Variants in SOX5 observed in about 807,000 individuals in gnomAD.
SOX5 encodes the protein SRY-box transcription factor 5, also known as transcription factor SOX-5.
Under a neutral mutation model 92.0 loss-of-function variants are expected in SOX5, and 9 were observed. The observed-to-expected ratio is 0.10, with a 90% CI of 0.06 to 0.17. The LOEUF is 0.17. Ranked by LOEUF, SOX5 falls within the 10% of genes least tolerant of loss-of-function variation. The pLI is 1.00. For missense variants in SOX5, 642 were observed against 944.5 expected (o/e 0.68, Z 4.20); for synonymous variants, 344 against 336.3 (o/e 1.02, Z -0.25).
At chr12:24,506,750 C>A (rs1948784610) in intron 1 of SOX5, among the ~76,000 whole-genome samples, 1 of 147,592 alleles carries the variant, frequency 6.8e-6, no homozygotes, top group Admixed American at 6.8e-5. Flanking sequence ...CCTCCCTTTC[C>A]AATGCAACCT....
intron 4 of SOX5, among the ~76,000 whole-genome samples, chr12:24,155,012 T>C (rs1285441186): frequency 6.6e-6 from 1 of 152,112 alleles, no homozygotes; most frequent in Non-Finnish European, 1.5e-5. Flanking sequence ...TTATTTTCAC[T>C]TGGTCCTCTA....
chr12:24,405,871 G>C (rs1477876353), intron 1 of SOX5, among the ~76,000 whole-genome samples: 2 of 152,160 alleles, frequency 1.3e-5, no homozygotes, highest in Admixed American at 6.5e-5. Flanking sequence ...GAGGCTTTAA[G>C]AGGCTATTGG....
chr12:23,530,939 T>TTACTC lies in SOX5; in HGVS notation c.*3275_*3279dup, dbSNP rs1938947729. 6.6e-6 allele frequency: 1 copy of TTACTC among 152,050 alleles called. No individual in the cohort carries two copies. The highest frequency in any genetic ancestry group is 2.4e-5 in the African/African-American group (1 of 41,412). 9.4% of individuals were successfully genotyped at this position (152,050 alleles called of 1,614,324 possible). ...TATGTTTTAGTTTGATCTTTTGATC[T>TTACTC]TACTCTCATTTTCTTTATCTTTTTT... is the stretch of plus-strand genomic sequence containing the variant. On this transcript the variant is annotated 3_prime_UTR_variant, in exon 15 of 15. Coordinates refer to ENST00000451604, the MANE Select transcript of SOX5 (RefSeq NM_006940.6).
intron 2 of SOX5, among the ~76,000 whole-genome samples, chr12:23,857,262 T>C (rs943588156): frequency 6.6e-6 from 1 of 152,196 alleles, no homozygotes; most frequent in Admixed American, 6.5e-5. Context: ...GGAGAACTAT[T>C]GTTGATCTAC....
intron 1 of SOX5, among the ~76,000 whole-genome samples, chr12:23,941,625 G>A (rs1425690915): frequency 6.6e-6 from 1 of 151,244 alleles, no homozygotes; most frequent in Non-Finnish European, 1.5e-5. Flanking sequence ...TTGGTACTTT[G>A]TATATTACAT....
intron 4 of SOX5, among the ~76,000 whole-genome samples, chr12:24,141,028 G>A (rs116460151): frequency 0.018 from 2,605 of 146,772 alleles, 76 homozygotes; most frequent in African/African-American, 0.062. Flanking sequence ...CAGAGCATAC[G>A]CAGTAGGTAT....
At chr12:24,462,265 G>A (rs576995208) in intron 1 of SOX5, among the ~76,000 whole-genome samples, 18 of 152,272 alleles carry the variant, frequency 1.2e-4, no homozygotes, top group Middle Eastern at 6.8e-3. Context: ...TGTCAGGTGT[G>A]TATGTAAACA....
intron 7 of SOX5, among the ~76,000 whole-genome samples, chr12:23,656,468 T>G (rs2139189192): frequency 6.6e-6 from 1 of 152,196 alleles, no homozygotes; most frequent in Admixed American, 6.5e-5. Flanking sequence ...TGTAGCATGG[T>G]TTGAAACTGT....
intron 4 of SOX5, among the ~76,000 whole-genome samples, chr12:24,061,628 C>T (rs1259812143): frequency 6.6e-6 from 1 of 151,636 alleles, no homozygotes; most frequent in Non-Finnish European, 1.5e-5. Flanking sequence ...CAATTTGGTT[C>T]TGAGAACTTT....
At position 24,327,385 on chromosome 12, in the gene SOX5, C is replaced by CTTTTTTTTTTTTTT. The variant is rs71063311; in HGVS notation, c.-174+41164_-174+41177dup. 8.8e-5 allele frequency among the ~76,000 whole-genome samples: 5 copies of CTTTTTTTTTTTTTT among 56,690 alleles called. 1 individual carries two copies. The highest frequency in any genetic ancestry group is 1.3e-4 in the Non-Finnish European group (4 of 30,916). 37.2% of individuals were successfully genotyped at this position (56,690 alleles called of 152,430 possible). ...AAATGAAGGGCTAGAGCAATGGAGACTTTTTTTTTTTTTTTTTTTTTTTTT... is the reference window on the plus strand; with the variant it reads ...AAATGAAGGGCTAGAGCAATGGAGACTTTTTTTTTTTTTTTTTTTTTTTTTTTTTTTTTTTTTTT... On this transcript the variant is annotated intron_variant, in intron 2 of 4. Coordinates refer to the SOX5 transcript ENST00000446891.
chr12:23,820,283 T>C (rs575078012), intron 3 of SOX5, among the ~76,000 whole-genome samples: 2 of 152,296 alleles, frequency 1.3e-5, no homozygotes, highest in East Asian at 3.9e-4. Context: ...TTGTTTAATG[T>C]TGTAAATTTG....
intron 11 of SOX5, among the ~76,000 whole-genome samples, chr12:23,553,311 C>T (rs1944545639): frequency 6.6e-6 from 1 of 152,000 alleles, no homozygotes; most frequent in South Asian, 2.1e-4. Context: ...TACACGTCCC[C>T]ATTCAACATT....
intron 3 of SOX5, among the ~76,000 whole-genome samples, chr12:24,214,081 T>G (rs1330761941): frequency 6.6e-6 from 1 of 152,110 alleles, no homozygotes; most frequent in Non-Finnish European, 1.5e-5. Context: ...TACATGTATA[T>G]GTATAAATTT....
chr12:23,858,261 C>G (rs1041598400), intron 2 of SOX5, among the ~76,000 whole-genome samples: 8 of 151,926 alleles, frequency 5.3e-5, no homozygotes, highest in African/African-American at 1.9e-4. Flanking sequence ...AAAAGACAAC[C>G]TACAGAATGG....
chr12:23,677,879 G>A (rs755030352), intron 6 of SOX5, among the ~76,000 whole-genome samples: 11 of 152,072 alleles, frequency 7.2e-5, no homozygotes, highest in Non-Finnish European at 1.5e-4. Context: ...TTTCAATACA[G>A]CTCCCCCAAT....
intron 3 of SOX5, among the ~76,000 whole-genome samples, chr12:23,798,176 C>T (rs2095598913): frequency 6.6e-6 from 1 of 151,860 alleles, no homozygotes; most frequent in African/African-American, 2.4e-5. Context: ...AATCTGATTA[C>T]TCCCACTGGA....
At chr12:23,948,413 T>G (rs1461739943) in intron 1 of SOX5, among the ~76,000 whole-genome samples, 1 of 152,126 alleles carries the variant, frequency 6.6e-6, no homozygotes, top group Non-Finnish European at 1.5e-5. Context: ...TTGTCCTTTC[T>G]TTTTTCGTCT....
chr12:24,349,447 C>G (rs985287434), intron 2 of SOX5, among the ~76,000 whole-genome samples: 1 of 152,178 alleles, frequency 6.6e-6, no homozygotes, highest in African/African-American at 2.4e-5. Context: ...CCTCCCTCCA[C>G]CCCCTGGCAA....
At chr12:24,050,748 C>T (rs545558820) in intron 4 of SOX5, among the ~76,000 whole-genome samples, 125 of 152,156 alleles carry the variant, frequency 8.2e-4, no homozygotes, top group Non-Finnish European at 1.5e-3. Context: ...GACAACAGTG[C>T]TACCTTTTAT....
Sources: gnomAD v4.1 joint callset for allele counts (sites outside exome capture counted in the v4.1 genomes callset) on GRCh38, gnomAD v4.1.1 for gene constraint, MANE v1.5 for transcripts, NCBI Gene and HGNC (gene_info 2026-07-23, HGNC 2026-07-21) for gene names.